The following UNC5C variants were observed in gnomAD, a reference collection of about 807,000 sequenced individuals.
The protein encoded by UNC5C is netrin receptor UNC5C.
A neutral mutation model predicts 99.8 loss-of-function variants in UNC5C; 47 were observed. That is an observed-to-expected ratio of 0.47 (90% CI 0.37 to 0.60). The LOEUF is 0.60. UNC5C is among the 20% of genes least tolerant of loss of function. The probability of loss-of-function intolerance (pLI) is 0.00; values close to 1 mark genes in which losing one functional copy is unlikely to be tolerated. For synonymous variants in UNC5C, 487 were observed against 452.2 expected (o/e 1.08, Z -0.98); for missense variants, 1,062 against 1,165.9 (o/e 0.91, Z 1.30).
In UNC5C at chr4:95,183,032, T is replaced by G; in HGVS notation, c.2316A>C (p.Gly772=). 1 of 1,611,102 alleles carries G rather than the reference T, an allele frequency of 6.2e-7. No homozygotes were observed. Among genetic ancestry groups the G allele is most frequent in the Non-Finnish European group, 8.5e-7 (1 of 1,177,712 alleles). ...AGGTGCAGTGCAGGTTTCTTTGAGA[T>G]CCACTCCAAACATGGTAAAATGGAA... is the stretch of plus-strand genomic sequence containing the variant. ...QEIPFYHVWS[G]SQRNLHCTFT... is the part of the protein sequence containing the mutation. The change falls in exon 14 of 16, where the codon GGA becomes GGC. Residue 772 remains glycine (G), a synonymous_variant. Transcript: ENST00000453304.
At chr4:95,170,399 A>G (rs1736048537) in intron 14 of UNC5C, 67 bp from the exon 15 acceptor site, 2 of 1,523,496 alleles carry the variant, frequency 1.3e-6, no homozygotes, top group East Asian at 2.3e-5. Context: ...TATTGAACCA[A>G]TCAACATAAT....
intron 1 of UNC5C, among the ~76,000 whole-genome samples, chr4:95,370,229 A>G (rs1744703497): frequency 6.6e-6 from 1 of 152,204 alleles, no homozygotes; most frequent in South Asian, 2.1e-4. Context: ...ATATTTTATT[A>G]TGGAATACAT....
intron 14 of UNC5C, among the ~76,000 whole-genome samples, chr4:95,175,499 A>T (rs1318230272): frequency 6.6e-6 from 1 of 151,706 alleles, no homozygotes; most frequent in African/African-American, 2.4e-5. Context: ...TCCTTCACTT[A>T]TGAAGCTTAG....
chr4:95,318,066 C>A (rs1003006373), intron 2 of UNC5C, among the ~76,000 whole-genome samples: 3 of 152,016 alleles, frequency 2.0e-5, no homozygotes, highest in Admixed American at 6.5e-5. Flanking sequence ...GATGAACAGC[C>A]TGGGAGGACA....
intron 12 of UNC5C, among the ~76,000 whole-genome samples, chr4:95,201,770 AT>A (rs369044014): frequency 0.012 from 1,886 of 151,896 alleles, 39 homozygotes; most frequent in African/African-American, 0.032. Flanking sequence ...TGCCCGGCTA[AT>A]TTTTTTGTAT....
chr4:95,271,558 A>G (rs748581775), intron 4 of UNC5C, among the ~76,000 whole-genome samples: 26 of 152,264 alleles, frequency 1.7e-4, no homozygotes, highest in Non-Finnish European at 3.4e-4. Context: ...CATTGATCTT[A>G]GGTCATCTGA....
intron 1 of UNC5C, among the ~76,000 whole-genome samples, chr4:95,471,664 T>C (rs1747971921): frequency 6.6e-6 from 1 of 152,160 alleles, no homozygotes. Flanking sequence ...TCTATATTTT[T>C]ACGTCAAATT....
intron 1 of UNC5C, among the ~76,000 whole-genome samples, chr4:95,369,972 GT>G (rs1744696423): frequency 6.7e-6 from 1 of 150,164 alleles, no homozygotes. Context: ...TTTATTCACT[GT>G]CCACAAGAAT....
intron 14 of UNC5C, among the ~76,000 whole-genome samples, chr4:95,174,956 G>A (rs1232244593): frequency 5.3e-5 from 8 of 150,854 alleles, no homozygotes. Flanking sequence ...ATTTAGGATA[G>A]TTAACTCTTC....
intron 1 of UNC5C, among the ~76,000 whole-genome samples, chr4:95,490,126 G>T (rs1721440326): frequency 6.6e-6 from 1 of 151,564 alleles, no homozygotes; most frequent in African/African-American, 2.4e-5. Context: ...GAGACGGACA[G>T]ATCTGAGAGG....
At chr4:95,464,076 T>C (rs1176620734) in intron 1 of UNC5C, among the ~76,000 whole-genome samples, 1 of 152,176 alleles carries the variant, frequency 6.6e-6, no homozygotes, top group East Asian at 1.9e-4. Context: ...GGAACAATAT[T>C]ATTCACAAGG....
At chr4:95,216,894 G>A (rs1391730619) in intron 9 of UNC5C, among the ~76,000 whole-genome samples, 1 of 152,184 alleles carries the variant, frequency 6.6e-6, no homozygotes, top group Non-Finnish European at 1.5e-5. Flanking sequence ...ACAGATTACT[G>A]GTCCCTACCC....
intron 4 of UNC5C, among the ~76,000 whole-genome samples, chr4:95,256,699 A>ATATATATATATATATATAT (rs1553958327): frequency 2.2e-5 from 2 of 90,662 alleles, no homozygotes; most frequent in African/African-American, 7.2e-5. Flanking sequence ...GAACTAAATA[A>ATATATATATATATATATAT]ATATATATAT....
At position 95,445,298 on chromosome 4, in the gene UNC5C, C is replaced by CT. The variant is rs1182791717; in HGVS notation, c.124+103435dup. 2.7e-5 allele frequency among the ~76,000 whole-genome samples: 4 copies of CT among 150,246 alleles called. No homozygotes were observed. The East Asian group carries it at 5.8e-4, about 22-fold the overall frequency. ...CCTGAATTTCATCTGCCCTCCAACC[C>CT]TTTTTTTCCTAGATGAATTAATTAG... On this transcript the variant is annotated intron_variant, in intron 1 of 15. Coordinates refer to ENST00000453304, the MANE Select transcript of UNC5C (RefSeq NM_003728.4).
intron 12 of UNC5C, among the ~76,000 whole-genome samples, chr4:95,193,047 G>A (rs979262538): frequency 1.3e-5 from 2 of 152,204 alleles, no homozygotes; most frequent in African/African-American, 4.8e-5. Flanking sequence ...TCTCTTGAAG[G>A]GAAGGCTGGA....
intron 4 of UNC5C, among the ~76,000 whole-genome samples, chr4:95,268,539 A>G (rs1168578801): frequency 1.3e-5 from 2 of 152,202 alleles, no homozygotes; most frequent in Non-Finnish European, 2.9e-5. Flanking sequence ...TGTTAACCCT[A>G]TGATTGGTTA....
At chr4:95,207,657 A>T (rs1737929526) in intron 10 of UNC5C, among the ~76,000 whole-genome samples, 2 of 152,154 alleles carry the variant, frequency 1.3e-5, no homozygotes, top group Non-Finnish European at 2.9e-5. Context: ...CTACTCACTC[A>T]ATCAGAAGAG....
chr4:95,371,436 G>T (rs147995128), intron 1 of UNC5C, among the ~76,000 whole-genome samples: 3,085 of 14,506 alleles, frequency 0.21, 87 homozygotes, highest in Middle Eastern at 0.29. Flanking sequence ...GGGGGGGGGA[G>T]TATCAAATGT....
intron 1 of UNC5C, among the ~76,000 whole-genome samples, chr4:95,486,405 T>G (rs1721328994): frequency 2.4e-5 from 2 of 84,664 alleles, no homozygotes; most frequent in African/African-American, 5.7e-5. Flanking sequence ...TCCAAATCAT[T>G]GCTGTGTTGA....
Sources: allele counts gnomAD v4.1 joint callset (sites outside exome capture counted in the v4.1 genomes callset), GRCh38; gene constraint gnomAD v4.1.1; transcripts MANE v1.5; gene names NCBI Gene and HGNC (gene_info 2026-07-23, HGNC 2026-07-21).